CNN2: variants seen among roughly 807,000 people sequenced by gnomAD.
The protein encoded by CNN2 is calponin-2.
Under a neutral mutation model 31.0 loss-of-function variants are expected in CNN2, and 21 were observed. That is an observed-to-expected ratio of 0.68 (90% confidence interval 0.48 to 0.98). The LOEUF (loss-of-function observed/expected upper bound fraction) is 0.98. Ranked by LOEUF, CNN2 falls within the 50% of genes least tolerant of loss-of-function variation. CNN2 has a pLI of 0.00. For missense variants in CNN2, 399 were observed against 427.3 expected, an observed-to-expected ratio of 0.93 and a Z score of 0.58; for synonymous variants, 165 against 179.6, an observed-to-expected ratio of 0.92 and a Z score of 0.65.
At chr19:1,032,316 A>C (rs1449573868) in intron 2 of CNN2, 76 bp from the exon 3 acceptor site, 42 of 1,572,570 alleles carry the variant, frequency 2.7e-5, no homozygotes, top group Non-Finnish European at 3.7e-5. Flanking sequence ...CTTGGCTGAG[A>C]TCAGCATCGG....
intron 2 of CNN2, among the ~76,000 whole-genome samples, chr19:1,032,057 A>G (rs992056575): frequency 1.3e-5 from 2 of 151,864 alleles, no homozygotes; most frequent in African/African-American, 2.4e-5. Context: ...GTGAAACTCC[A>G]TCTCTACTAA....
At chr19:1,032,251 A>AAGG (rs1555675095) in intron 2 of CNN2, 141 bp from the exon 3 acceptor site, 1 of 882,628 alleles carries the variant, frequency 1.1e-6, no homozygotes. Flanking sequence ...AAAAAAAAAA[A>AAGG]GAGTGGAAAC....
intron 4 of CNN2, among the ~76,000 whole-genome samples, chr19:1,035,131 GGTGTCTGGTGT>G: frequency 1.4e-5 from 2 of 143,050 alleles, no homozygotes. Context: ...GGTGGGACAC[GGTGTCTGGTGT>G]AGACGGGGAG....
At chr19:1,036,816 G>A (rs2039595813) in intron 6 of CNN2, 1 of 591,478 alleles carries the variant, frequency 1.7e-6, no homozygotes, top group Non-Finnish European at 3.0e-6. Context: ...ACTGCCCAAA[G>A]GTCCACCCAA....
chr19:1,035,709 G>A (rs986978880), intron 4 of CNN2, among the ~76,000 whole-genome samples: 5 of 152,118 alleles, frequency 3.3e-5, no homozygotes, highest in African/African-American at 1.2e-4. Context: ...GATAACTTGA[G>A]GCCAGGAGTT....
In CNN2 at chr19:1,032,404, G is replaced by A. The variant is rs376896623; in HGVS notation, c.198G>A (p.Lys66=). Residue 66 remains lysine (K), a synonymous_variant, in exon 3 of 7, where the codon AAG becomes AAA. Coordinates refer to ENST00000263097, the MANE Select transcript of CNN2 (RefSeq NM_004368.4). ...DGTILCTLMN[K]LQPGSVPKIN... is the part of the protein sequence containing the mutation. ...TTGTGCCCTCCAGACTCATGAACAAGCTACAGCCGGGCTCCGTCCCCAAGA... is the reference window on the plus strand; with the variant it reads ...TTGTGCCCTCCAGACTCATGAACAAACTACAGCCGGGCTCCGTCCCCAAGA... 1 of 1,613,618 alleles carries A rather than the reference G, an allele frequency of 6.2e-7. No individual in the cohort carries two copies. Among genetic ancestry groups the A allele is most frequent in the African/African-American group, 1.3e-5 (1 of 75,022 alleles).
chr19:1,026,670 C>G lies in CNN2; in HGVS notation c.9C>G (p.Ser3=), dbSNP rs1280860535. ...CCGCCCGCCCGCCAGCCATGAGCTCCACGCAGTTCAACAAGGGCCCCTCGT... is the reference window on the plus strand; with the variant it reads ...CCGCCCGCCCGCCAGCCATGAGCTCGACGCAGTTCAACAAGGGCCCCTCGT... The part of the protein sequence containing the change: MS[S]TQFNKGPSYG... The change falls in exon 1 of 7, where the codon TCC becomes TCG. Residue 3 remains serine (S), a synonymous_variant. Coordinates refer to ENST00000263097, the MANE Select transcript of CNN2 (RefSeq NM_004368.4). The G allele has an allele frequency of 6.5e-7, 1 of 1,546,612 alleles. No homozygotes were observed. The highest frequency in any genetic ancestry group is 1.4e-5 in the African/African-American group (1 of 72,362).
chr19:1,032,613 G>C lies in CNN2; in HGVS notation c.307G>C (p.Val103Leu). 1 of 1,613,008 alleles carries C rather than the reference G, an allele frequency of 6.2e-7. No homozygotes were observed. The highest frequency in any genetic ancestry group is 8.5e-7 in the Non-Finnish European group (1 of 1,180,034). Residue 103 changes from valine to leucine, a missense_variant, in exon 4 of 7, where the codon GTG becomes CTG. Coordinates refer to ENST00000263097, the MANE Select transcript of CNN2 (RefSeq NM_004368.4). ...KAMVSYGMNP[V>L]DLFEANDLFE... ...CATGGTCAGCTACGGCATGAACCCTGTGGACCTGTTCGAGGCCAACGACCT... is the reference window on the plus strand; with the variant it reads ...CATGGTCAGCTACGGCATGAACCCTCTGGACCTGTTCGAGGCCAACGACCT...
intron 6 of CNN2, chr19:1,037,410 T>G: frequency 3.5e-6 from 2 of 573,494 alleles, no homozygotes; most frequent in Admixed American, 3.1e-5. Flanking sequence ...GTAGCTGGGA[T>G]TACAGGCATG....
intron 1 of CNN2, among the ~76,000 whole-genome samples, chr19:1,030,763 C>T (rs978284391): frequency 3.3e-5 from 5 of 152,126 alleles, no homozygotes; most frequent in African/African-American, 4.8e-5. Flanking sequence ...GAAGGCAGGG[C>T]GGGGAGGCAG....
At chr19:1,035,861 G>A (rs1467067175) in intron 4 of CNN2, among the ~76,000 whole-genome samples, 1 of 152,184 alleles carries the variant, frequency 6.6e-6, no homozygotes, top group Non-Finnish European at 1.5e-5. Flanking sequence ...GGAGGGGGTT[G>A]CAGTGAGCGG....
Position 1,032,413 on chromosome 19 carries a change from G to T in CNN2, c.207G>T (p.Pro69=), listed in dbSNP as rs201277048. The change falls in exon 3 of 7, where the codon CCG becomes CCT. Residue 69 remains proline, a synonymous_variant. Transcript: ENST00000263097. ...ILCTLMNKLQ[P]GSVPKINRSM... is the part of the protein sequence containing the mutation. ...CCAGACTCATGAACAAGCTACAGCCGGGCTCCGTCCCCAAGATCAACCGCT... is the reference window on the plus strand; with the variant it reads ...CCAGACTCATGAACAAGCTACAGCCTGGCTCCGTCCCCAAGATCAACCGCT... 1 of 1,613,626 alleles carries T rather than the reference G, an allele frequency of 6.2e-7. No homozygotes were observed. The highest frequency in any genetic ancestry group is 1.7e-5 in the Admixed American group (1 of 60,016).
chr19:1,026,872 T>TG (rs2039405106), intron 1 of CNN2, 148 bp downstream of exon 1: 5 of 722,264 alleles, frequency 6.9e-6, no homozygotes, highest in Admixed American at 3.6e-5. Flanking sequence ...TGACGCCTGG[T>TG]GGGGGGATGT....
intron 1 of CNN2, among the ~76,000 whole-genome samples, chr19:1,029,490 A>C (rs2039453030): frequency 1.1e-5 from 1 of 87,514 alleles, no homozygotes; most frequent in South Asian, 4.4e-4. Context: ...GGTCCAGCTC[A>C]GGGGACCCTA....
intron 1 of CNN2, 111 bp from the exon 2 acceptor site, chr19:1,030,960 C>T: frequency 1.5e-6 from 2 of 1,358,446 alleles, no homozygotes; most frequent in Non-Finnish European, 2.0e-6. Context: ...CCAGGCCGCT[C>T]TATCTGCTGT....
chr19:1,036,641 C>T, intron 6 of CNN2, 79 bp downstream of exon 6: 1 of 1,532,810 alleles, frequency 6.5e-7, no homozygotes, highest in East Asian at 2.2e-5. Flanking sequence ...CTGGGGCCAC[C>T]TCCAGCTTCT....
At chr19:1,026,774 T>C in intron 1 of CNN2, 50 bp downstream of exon 1, 1 of 1,527,430 alleles carries the variant, frequency 6.5e-7, no homozygotes, top group Non-Finnish European at 8.8e-7. Context: ...CGTCGCACGC[T>C]CCGACCGGTG....
chr19:1,036,922 C>T (rs750721803), intron 6 of CNN2: 10 of 336,664 alleles, frequency 3.0e-5, no homozygotes, highest in African/African-American at 4.4e-5. Context: ...GGCACGATCT[C>T]GGCTCACTGC....
At chr19:1,035,452 G>A (rs1318748212) in intron 4 of CNN2, among the ~76,000 whole-genome samples, 3 of 152,114 alleles carry the variant, frequency 2.0e-5, no homozygotes, top group African/African-American at 4.8e-5. Context: ...GGAGCCGGGC[G>A]CAGACATCCC....
Sources: gnomAD v4.1 joint callset for allele counts (sites outside exome capture counted in the v4.1 genomes callset) on GRCh38, gnomAD v4.1.1 for gene constraint, MANE v1.5 for transcripts, NCBI Gene and HGNC (gene_info 2026-07-23, HGNC 2026-07-21) for gene names.